Variants in TMEFF2 observed in about 807,000 individuals in gnomAD.
TMEFF2 encodes the protein transmembrane protein with EGF like and two follistatin like domains 2.
TMEFF2 carries 28 observed loss-of-function variants against 53.8 expected under a neutral mutation model. The observed-to-expected ratio is 0.52, with a 90% CI of 0.39 to 0.71. TMEFF2 has a LOEUF of 0.71. Among genes scored for constraint, TMEFF2 ranks in the 30% least tolerant of loss-of-function variants. The pLI is 0.00. For synonymous variants in TMEFF2, 162 were observed against 166.3 expected (o/e 0.97, Z 0.20); for missense variants, 353 against 455.2 (o/e 0.78, Z 2.04).
chr2:192,048,047 C>T (rs911114688), intron 5 of TMEFF2, among the ~76,000 whole-genome samples: 1 of 152,096 alleles, frequency 6.6e-6, no homozygotes, highest in Non-Finnish European at 1.5e-5. Context: ...AGTTAACATA[C>T]TGTCTAATCT....
At chr2:191,958,594 C>CT (rs1692175730) in intron 7 of TMEFF2, among the ~76,000 whole-genome samples, 1 of 152,136 alleles carries the variant, frequency 6.6e-6, no homozygotes, top group Non-Finnish European at 1.5e-5. Flanking sequence ...AAAATAAGAG[C>CT]TTGTCTGAAT....
At chr2:192,090,184 G>A (rs1054430592) in intron 4 of TMEFF2, among the ~76,000 whole-genome samples, 1 of 152,068 alleles carries the variant, frequency 6.6e-6, no homozygotes, top group African/African-American at 2.4e-5. Context: ...CATAGTTTAT[G>A]GTCAAGTGTG....
At chr2:191,971,118 A>G (rs1030599210) in intron 7 of TMEFF2, among the ~76,000 whole-genome samples, 3 of 152,202 alleles carry the variant, frequency 2.0e-5, no homozygotes, top group Non-Finnish European at 4.4e-5. Context: ...AAACTACTTT[A>G]GAAACAGTTA....
At chr2:192,026,634 G>C (rs1686977114) in intron 5 of TMEFF2, among the ~76,000 whole-genome samples, 2 of 152,124 alleles carry the variant, frequency 1.3e-5, no homozygotes, top group Non-Finnish European at 2.9e-5. Context: ...ATTATCTTGA[G>C]TGCATAAACA....
chr2:191,983,240 T>G (rs895311155), intron 7 of TMEFF2, among the ~76,000 whole-genome samples: 7 of 152,136 alleles, frequency 4.6e-5, no homozygotes, highest in African/African-American at 1.4e-4. Context: ...TGGAAGGATG[T>G]TTGCACATTG....
intron 4 of TMEFF2, among the ~76,000 whole-genome samples, chr2:192,105,980 A>G (rs1196406799): frequency 6.6e-6 from 1 of 151,868 alleles, no homozygotes; most frequent in Non-Finnish European, 1.5e-5. Flanking sequence ...TTATTAGTGA[A>G]TATCAATAGC....
intron 3 of TMEFF2, 36 bp from the exon 4 acceptor site, chr2:192,179,730 T>G: frequency 6.6e-7 from 1 of 1,513,468 alleles, no homozygotes; most frequent in Non-Finnish European, 8.8e-7. Context: ...TAGTAAAACA[T>G]ATTCAAAAAT....
At chr2:192,139,418 A>G (rs892103741) in intron 4 of TMEFF2, among the ~76,000 whole-genome samples, 6 of 152,226 alleles carry the variant, frequency 3.9e-5, no homozygotes, top group African/African-American at 1.4e-4. Flanking sequence ...GAAGCACAAA[A>G]TAAGAGCAAA....
chr2:192,018,170 A>T (rs1382737476), intron 5 of TMEFF2, among the ~76,000 whole-genome samples: 1 of 152,152 alleles, frequency 6.6e-6, no homozygotes, highest in Non-Finnish European at 1.5e-5. Context: ...GCCTTGTTAG[A>T]GGCAGTTTTT....
rs1256207166 is a variant in TMEFF2, at chr2:192,094,966, G to A, written c.440-37191C>T. Among the ~76,000 whole-genome samples, 4 of 152,280 alleles carry A rather than the reference G, an allele frequency of 2.6e-5. No homozygotes were observed. In the East Asian group the frequency reaches 7.7e-4, roughly 29 times the overall value. On this transcript the variant is annotated intron_variant, in intron 4 of 9. Transcript: ENST00000272771. The stretch of plus-strand genomic sequence containing the variant: ...TATACATTGGAGAGGGAGCTATTAA[G>A]CTTCCAATAATTAAGTTTCAAACTT...
intron 4 of TMEFF2, among the ~76,000 whole-genome samples, chr2:192,166,210 G>A (rs192088067): frequency 7.4e-4 from 113 of 152,214 alleles, no homozygotes; most frequent in African/African-American, 1.7e-3. Context: ...TTTGTCTTCC[G>A]TTTTATGCTT....
At chr2:192,147,094 T>A (rs1482175891) in intron 4 of TMEFF2, among the ~76,000 whole-genome samples, 3 of 152,066 alleles carry the variant, frequency 2.0e-5, no homozygotes, top group East Asian at 1.9e-4. Flanking sequence ...ACTCTTCTTT[T>A]TAAGTGGCTT....
rs552602109 is a variant in TMEFF2, at chr2:192,075,867, C to T, written c.440-18092G>A. ...GATACTAAGGATGCATTTCATTTTTCATACTGTGGACTTTGTATTCTGTAC... is the reference window on the plus strand; with the variant it reads ...GATACTAAGGATGCATTTCATTTTTTATACTGTGGACTTTGTATTCTGTAC... On this transcript the variant is annotated intron_variant, in intron 4 of 9. Transcript: ENST00000272771. 5.9e-5 allele frequency among the ~76,000 whole-genome samples: 9 copies of T among 151,908 alleles called. No homozygotes were observed. In the East Asian group the frequency reaches 1.7e-3, roughly 29 times the overall value.
At chr2:192,181,970 A>T (rs1036695427) in intron 3 of TMEFF2, among the ~76,000 whole-genome samples, 16 of 151,788 alleles carry the variant, frequency 1.1e-4, no homozygotes, top group Non-Finnish European at 1.3e-4. Flanking sequence ...TAGCCTACTA[A>T]AGTCTTATTA....
chr2:192,051,805 A>G (rs1687780816), intron 5 of TMEFF2, among the ~76,000 whole-genome samples: 1 of 152,212 alleles, frequency 6.6e-6, no homozygotes, highest in South Asian at 2.1e-4. Context: ...AAAGACTTCA[A>G]ACTAAACTGT....
At chr2:192,048,155 C>G (rs140773661) in intron 5 of TMEFF2, among the ~76,000 whole-genome samples, 2 of 148,010 alleles carry the variant, frequency 1.4e-5, no homozygotes, top group African/African-American at 5.0e-5. Flanking sequence ...TACGCTCAAA[C>G]GAATTTTTTT....
At chr2:192,075,285 TTATATATATATATATATATATA>T (rs111733023) in intron 4 of TMEFF2, among the ~76,000 whole-genome samples, 1,966 of 65,742 alleles carry the variant, frequency 0.03, 110 homozygotes, top group Non-Finnish European at 0.04. Flanking sequence ...TACAGTACTA[TTATATATATATATATATATATA>T]TATATATATA....
rs372617008 is a variant in TMEFF2 at position 192,003,930 on chromosome 2, G to GTGT, written c.537-4723_537-4722insACA. Reference sequence around the variant, plus strand: ...GTGAAAAAATTTGTGTGTGTGTGTGGGGGGGGGGCTCACACTCACCTCCAT... The same window carrying GTGT: ...GTGAAAAAATTTGTGTGTGTGTGTGGTGTGGGGGGGGCTCACACTCACCTCCAT... On this transcript the variant is annotated intron_variant, in intron 5 of 9. Transcript: ENST00000272771. Among the ~76,000 whole-genome samples, 368 of 121,180 alleles carry GTGT rather than the reference G, an allele frequency of 3.0e-3. 15 individuals carry two copies. The highest frequency in any genetic ancestry group is 9.4e-3 in the Admixed American group (120 of 12,750). 79.5% of individuals were successfully genotyped at this position (121,180 alleles called of 152,430 possible).
intron 3 of TMEFF2, among the ~76,000 whole-genome samples, chr2:192,182,789 C>T (rs190981784): frequency 1.3e-5 from 2 of 152,096 alleles, no homozygotes; most frequent in Admixed American, 1.3e-4. Flanking sequence ...TGCCTTCATC[C>T]TTCCTGGTTC....
Sources: gnomAD v4.1 joint callset for allele counts (sites outside exome capture counted in the v4.1 genomes callset) on GRCh38, gnomAD v4.1.1 for gene constraint, MANE v1.5 for transcripts, NCBI Gene and HGNC (gene_info 2026-07-23, HGNC 2026-07-21) for gene names.